The following MPZL1 variants were observed in gnomAD, a reference collection of about 807,000 sequenced individuals.
MPZL1 encodes the protein myelin protein zero like 1.
In MPZL1, 16 loss-of-function variants were observed where a neutral mutation model predicts 29.3. The ratio of observed to expected loss-of-function variants is 0.55; its 90% CI spans 0.37 to 0.83. The LOEUF is 0.83. Among genes scored for constraint, MPZL1 ranks in the 40% least tolerant of loss-of-function variants. MPZL1 has a pLI of 0.00. For missense variants in MPZL1, 279 were observed against 332.9 expected (o/e 0.84, Z 1.26); for synonymous variants, 143 against 132.0 (o/e 1.08, Z -0.57).
At chr1:167,772,126 GGAGA>G in intron 2 of MPZL1, 145 bp from the exon 3 acceptor site, 1 of 680,164 alleles carries the variant, frequency 1.5e-6, no homozygotes, top group East Asian at 2.7e-5. Flanking sequence ...GAAAAAAGGA[GGAGA>G]GAGAGGGGGA....
rs1447256440 is a variant in MPZL1 at position 167,788,090 on chromosome 1, A to G, written c.*169A>G. 2 of 549,188 alleles carry G rather than the reference A, an allele frequency of 3.6e-6. No homozygotes were observed. Among genetic ancestry groups the G allele is most frequent in the African/African-American group, 1.9e-5 (1 of 52,394 alleles). 34.0% of individuals were successfully genotyped at this position (549,188 alleles called of 1,614,324 possible). A position where few individuals can be genotyped will look rare whatever the true frequency, so the allele number is the denominator to read the frequency against. On this transcript the variant is annotated 3_prime_UTR_variant, in exon 6 of 6. Transcript: ENST00000359523. Reference sequence around the variant, plus strand: ...TACAAAGGATATGTATAAATATTCTATTTAGTCATCCTGATATGAGGAGCC... The same window carrying G: ...TACAAAGGATATGTATAAATATTCTGTTTAGTCATCCTGATATGAGGAGCC...
At chr1:167,780,542 C>T (rs1015955181) in intron 5 of MPZL1, among the ~76,000 whole-genome samples, 3 of 152,236 alleles carry the variant, frequency 2.0e-5, no homozygotes, top group South Asian at 2.1e-4. Flanking sequence ...TATATATATA[C>T]ACAATGGAAT....
At chr1:167,786,806 G>T (rs1027311343) in intron 5 of MPZL1, among the ~76,000 whole-genome samples, 1 of 152,210 alleles carries the variant, frequency 6.6e-6, no homozygotes, top group Non-Finnish European at 1.5e-5. Context: ...GCTTAAGCAC[G>T]TTATTAGACT....
Position 167,788,014 on chromosome 1 carries a change from A to T in MPZL1, c.*93A>T. On this transcript the variant is annotated 3_prime_UTR_variant, in exon 6 of 6. Transcript: ENST00000359523. ...CCCATTACCACATGTAGCCTTGGAG[A>T]CCCAGGCAAGGACAAGTACACGTGT... 1 of 1,013,798 alleles carries T rather than the reference A, an allele frequency of 9.9e-7. No individual in the cohort carries two copies. The highest frequency in any genetic ancestry group is 1.5e-6 in the Non-Finnish European group (1 of 650,648). 62.8% of individuals were successfully genotyped at this position (1,013,798 alleles called of 1,614,324 possible).
In MPZL1 at chr1:167,764,395, C is replaced by G. The variant is rs531392463; in HGVS notation, c.92-1188C>G. On this transcript the variant is annotated intron_variant, in intron 1 of 5. Transcript: ENST00000359523. Reference sequence around the variant, plus strand: ...TCAATTACTATTTCCTGGGCTTAGGCTAACTGACAAAACTTGATGGGTGAA... The same window carrying G: ...TCAATTACTATTTCCTGGGCTTAGGGTAACTGACAAAACTTGATGGGTGAA... Among the ~76,000 whole-genome samples, 4 of 152,250 alleles carry G rather than the reference C, an allele frequency of 2.6e-5. No individual in the cohort carries two copies. In the South Asian group the frequency reaches 8.3e-4, roughly 32 times the overall value.
chr1:167,758,453 A>C (rs1321085451), intron 1 of MPZL1, among the ~76,000 whole-genome samples: 1 of 152,160 alleles, frequency 6.6e-6, no homozygotes, highest in Non-Finnish European at 1.5e-5. Flanking sequence ...ATGTCAGGAA[A>C]TAGACTCTTA....
chr1:167,731,744 T>C (rs1660277944), intron 1 of MPZL1, among the ~76,000 whole-genome samples: 2 of 150,038 alleles, frequency 1.3e-5, no homozygotes, highest in African/African-American at 4.9e-5. Flanking sequence ...AGCCTAAAAC[T>C]GTGTCTCAAA....
At position 167,788,212 on chromosome 1, in the gene MPZL1, T is replaced by A. The variant is rs1267347185; in HGVS notation, c.*291T>A. ...TTCAGGTCATTTACAATTGGGAGAT[T>A]TCAGAAACATTCCTTTCACCATCAT... On this transcript the variant is annotated 3_prime_UTR_variant, in exon 6 of 6. Coordinates refer to ENST00000359523, the MANE Select transcript of MPZL1 (RefSeq NM_003953.6). 2 of 301,958 alleles carry A rather than the reference T, an allele frequency of 6.6e-6. No individual in the cohort carries two copies. The highest frequency in any genetic ancestry group is 1.3e-5 in the Non-Finnish European group (2 of 159,022). The allele number at this position is 301,958 out of a possible 1,614,324, so 18.7% of individuals were successfully genotyped here.
chr1:167,772,186 T>G, intron 2 of MPZL1, 89 bp from the exon 3 acceptor site: 1 of 1,075,820 alleles, frequency 9.3e-7, no homozygotes, highest in Non-Finnish European at 1.4e-6. Context: ...TATGAAGTCT[T>G]TAAAAGAACC....
At chr1:167,733,356 T>G (rs1660308008) in intron 1 of MPZL1, among the ~76,000 whole-genome samples, 1 of 152,230 alleles carries the variant, frequency 6.6e-6, no homozygotes, top group Non-Finnish European at 1.5e-5. Context: ...CAGTTCCCAC[T>G]GTAAGTTCTA....
chr1:167,767,251 C>T (rs1477490473), intron 2 of MPZL1, among the ~76,000 whole-genome samples: 1 of 152,208 alleles, frequency 6.6e-6, no homozygotes, highest in Non-Finnish European at 1.5e-5. Flanking sequence ...AATATGGCAT[C>T]AGCATAGAAC....
chr1:167,747,562 TAGTTCAAA>T (rs1420377392), intron 1 of MPZL1, among the ~76,000 whole-genome samples: 1 of 152,180 alleles, frequency 6.6e-6, no homozygotes, highest in Non-Finnish European at 1.5e-5. Flanking sequence ...TATGTTGACA[TAGTTCAAA>T]AGTTAAAAAA....
In MPZL1 at chr1:167,722,187, A is replaced by G; in HGVS notation, c.36A>G (p.Ala12=). 1 of 1,237,774 alleles carries G rather than the reference A, an allele frequency of 8.1e-7. No homozygotes were observed. Among genetic ancestry groups the G allele is most frequent in the Non-Finnish European group, 1.0e-6 (1 of 987,780 alleles). The allele number at this position is 1,237,774 out of a possible 1,614,324, so 76.7% of individuals were successfully genotyped here. A position where few individuals can be genotyped will look rare whatever the true frequency, so the allele number is the denominator to read the frequency against. ...AASAGAGAVI[A]APDSRRWLWS... is the part of the protein sequence containing the mutation. ...CCGCCGGAGCCGGGGCGGTGATTGC[A>G]GCCCCAGACAGCCGGCGCTGGCTGT... The change falls in exon 1 of 6, where the codon GCA becomes GCG. Residue 12 remains alanine (A), a synonymous_variant. Transcript: ENST00000359523.
chr1:167,750,715 A>G (rs1660738586), intron 1 of MPZL1, among the ~76,000 whole-genome samples: 1 of 152,216 alleles, frequency 6.6e-6, no homozygotes, highest in Admixed American at 6.5e-5. Flanking sequence ...TAGGAAATGA[A>G]TATTGAAACA....
intron 1 of MPZL1, among the ~76,000 whole-genome samples, chr1:167,739,282 C>CATATATACATATATACATATATATATAT (rs1387652331): frequency 6.6e-5 from 6 of 90,414 alleles, no homozygotes; most frequent in East Asian, 2.8e-4. Flanking sequence ...TACATATATA[C>CATATATACATATATACATATATATATAT]ATATATATAT....
chr1:167,724,862 A>G lies in MPZL1; in HGVS notation c.91+2620A>G, dbSNP rs376865866. ...GGATGAGGGCATCCAGGGAAAATGC[A>G]CTGAAGAACATAGCAGAGAGCCAAA... On this transcript the variant is annotated intron_variant, in intron 1 of 5. Coordinates refer to ENST00000359523, the MANE Select transcript of MPZL1 (RefSeq NM_003953.6). 2.0e-5 allele frequency among the ~76,000 whole-genome samples: 3 copies of G among 152,216 alleles called. No homozygotes were observed. In the East Asian group the frequency reaches 5.8e-4, roughly 29 times the overall value.
chr1:167,745,382 A>C (rs185932501), intron 1 of MPZL1, among the ~76,000 whole-genome samples: 4 of 152,264 alleles, frequency 2.6e-5, no homozygotes, highest in East Asian at 3.9e-4. Context: ...AATAGTGTGA[A>C]TAGAAGATTC....
intron 1 of MPZL1, among the ~76,000 whole-genome samples, chr1:167,737,221 T>C (rs1057122817): frequency 2.0e-5 from 3 of 152,218 alleles, no homozygotes; most frequent in South Asian, 2.1e-4. Flanking sequence ...TAGTAAATGT[T>C]TAGTATATAT....
intron 5 of MPZL1, among the ~76,000 whole-genome samples, chr1:167,778,526 ATGG>A (rs1661419220): frequency 7.1e-6 from 1 of 141,400 alleles, no homozygotes; most frequent in African/African-American, 2.7e-5. Context: ...GGAAGGAAGG[ATGG>A]ATGGATGGAT....
Sources: gnomAD v4.1 joint callset for allele counts (sites outside exome capture counted in the v4.1 genomes callset) on GRCh38, gnomAD v4.1.1 for gene constraint, MANE v1.5 for transcripts, NCBI Gene and HGNC (gene_info 2026-07-23, HGNC 2026-07-21) for gene names.